Variants in PHF10 observed in about 807,000 individuals in gnomAD.
PHF10 encodes the protein PHD finger protein 10, also known as BRG1-associated factor 45a.
Under a neutral mutation model 68.5 loss-of-function variants are expected in PHF10, and 51 were observed. The observed-to-expected ratio is 0.74, with a 90% CI of 0.59 to 0.94. The LOEUF is 0.94. PHF10 is among the 40% of genes least tolerant of loss of function. The pLI is 0.00. For missense variants in PHF10, 460 were observed against 602.6 expected (o/e 0.76, Z 2.48); for synonymous variants, 204 against 203.5 (o/e 1.00, Z -0.02).
intron 3 of PHF10, 39 bp downstream of exon 3, chr6:169,718,749 A>G: frequency 8.9e-7 from 1 of 1,128,090 alleles, no homozygotes; most frequent in African/African-American, 1.6e-5. Context: ...ATAAAGAATT[A>G]CTATCAATTA....
intron 1 of PHF10, among the ~76,000 whole-genome samples, chr6:169,721,692 G>A (rs1393133549): frequency 1.9e-5 from 2 of 105,652 alleles, no homozygotes; most frequent in African/African-American, 4.6e-5. Context: ...TTTTAAAGAA[G>A]ATTATATATT....
intron 4 of PHF10, among the ~76,000 whole-genome samples, chr6:169,716,925 CA>C (rs1208839289): frequency 6.6e-6 from 1 of 152,088 alleles, no homozygotes; most frequent in African/African-American, 2.4e-5. Context: ...AAGCTTTGTA[CA>C]AAAAATACAA....
At chr6:169,705,464 G>A in intron 10 of PHF10, 143 bp from the exon 11 acceptor site, 1 of 712,324 alleles carries the variant, frequency 1.4e-6, no homozygotes, top group East Asian at 2.7e-5. Flanking sequence ...CAATGTAGAG[G>A]AAAACACATG....
At chr6:169,723,819 T>C (rs989763538) in intron 1 of PHF10, 26 bp downstream of exon 1, 1 of 857,816 alleles carries the variant, frequency 1.2e-6, no homozygotes, top group Non-Finnish European at 1.5e-6. Flanking sequence ...GGGGTCAGGG[T>C]CGGGTCGCAC....
intron 1 of PHF10, among the ~76,000 whole-genome samples, chr6:169,723,382 T>C (rs1281121624): frequency 6.6e-6 from 1 of 152,224 alleles, no homozygotes; most frequent in African/African-American, 2.4e-5. Context: ...TTAACTTAGT[T>C]ATTACAGTAA....
chr6:169,716,111 A>C, intron 4 of PHF10, 23 bp from the exon 5 acceptor site: 1 of 1,502,502 alleles, frequency 6.7e-7, no homozygotes, highest in Non-Finnish European at 9.0e-7. Context: ...AAAAAATAAA[A>C]AAATAAAGAA....
At chr6:169,721,199 A>G (rs895595601) in intron 1 of PHF10, 88 bp from the exon 2 acceptor site, 13 of 728,616 alleles carry the variant, frequency 1.8e-5, no homozygotes, top group Non-Finnish European at 3.0e-5. Flanking sequence ...TCTAAGGACA[A>G]CTAGTCATAC....
Position 169,717,829 on chromosome 6 carries a change from T to C in PHF10, c.403A>G (p.Thr135Ala). The part of the protein sequence containing the change: ...ELNVITETQC[T>A]LGLTALRSDE... ...ATTAAAAAGCTATTCTTACCTAGAG[T>C]GCACTGAGTTTCAGTAATGACATTT... The change falls in exon 4 of 12, where the codon ACT (threonine) becomes GCT (alanine). Residue 135 changes from threonine to alanine, a missense_variant. This residue lies in a region of PHF10 where 256 missense variants were observed against 410.5 expected (regional missense o/e 0.62). Transcript: ENST00000339209. The C allele has an allele frequency of 7.0e-7, 1 of 1,429,392 alleles. No individual in the cohort carries two copies. The highest frequency in any genetic ancestry group is 9.8e-7 in the Non-Finnish European group (1 of 1,018,590). The allele number at this position is 1,429,392 out of a possible 1,614,324, so 88.5% of individuals were successfully genotyped here. A position where few individuals can be genotyped will look rare whatever the true frequency, so the allele number is the denominator to read the frequency against.
In PHF10 at chr6:169,715,990, G is replaced by A. The variant is rs771550444; in HGVS notation, c.508C>T (p.Arg170Cys). The part of the protein sequence containing the change: ...EYSVILQEKE[R>C]QRITDHYKEY... Reference sequence around the variant, plus strand: ...TTATAATGGTCTGTAATTCGTTGACGTTCTTTTTCTTGTAGAATAACAGAA... The same window carrying A: ...TTATAATGGTCTGTAATTCGTTGACATTCTTTTTCTTGTAGAATAACAGAA... The change falls in exon 5 of 12, where the codon CGT becomes TGT. Residue 170 changes from arginine to cysteine, a missense_variant. Arg to Cys is a radical substitution (Grantham distance 180). This residue lies in a region of PHF10 where 256 missense variants were observed against 410.5 expected (regional missense o/e 0.62). Coordinates refer to ENST00000339209, the MANE Select transcript of PHF10 (RefSeq NM_018288.4). 7 of 1,607,948 alleles carry A rather than the reference G, an allele frequency of 4.4e-6. No individual in the cohort carries two copies. Among genetic ancestry groups the A allele is most frequent in the Admixed American group, 1.7e-5 (1 of 58,508 alleles).
chr6:169,715,843 C>G lies in PHF10; in HGVS notation c.558G>C (p.Gln186His), dbSNP rs1344660394. 1.2e-6 allele frequency: 2 copies of G among 1,610,340 alleles called. No individual in the cohort carries two copies. Among genetic ancestry groups the G allele is most frequent in the Non-Finnish European group, 1.7e-6 (2 of 1,178,636 alleles). Residue 186 changes from glutamine to histidine, a missense_variant, in exon 6 of 12, where the codon CAG (glutamine) becomes CAC (histidine). Physicochemically the swap from Gln to His is conservative, Grantham distance 24. Transcript: ENST00000339209. ...HYKEYSQMQQQNTQKVEASKV... is the reference protein window; with the variant it reads ...HYKEYSQMQQHNTQKVEASKV... ...TACTGGCTTCAACTTTCTGAGTATT[C>G]TGTTGTTGCATTTGCTGGAAAAAAA...
chr6:169,714,378 G>C (rs1244605473), intron 7 of PHF10, among the ~76,000 whole-genome samples: 1 of 152,162 alleles, frequency 6.6e-6, no homozygotes, highest in Non-Finnish European at 1.5e-5. Flanking sequence ...TGAGTCATAG[G>C]TCTAGAGTTG....
rs928119952 is a variant in PHF10, at chr6:169,723,969, C to T, written c.-38G>A. 2.4e-5 allele frequency: 16 copies of T among 673,426 alleles called. No homozygotes were observed. The highest frequency in any genetic ancestry group is 2.7e-5 in the Non-Finnish European group (15 of 548,020). 41.7% of individuals were successfully genotyped at this position (673,426 alleles called of 1,614,324 possible). A position where few individuals can be genotyped will look rare whatever the true frequency, so the allele number is the denominator to read the frequency against. The stretch of plus-strand genomic sequence containing the variant: ...CCCGCGCCGCCGCCGCCGCCGTCGC[C>T]TCCGCCTTGTCCCGGCCGCCGCCGC... On this transcript the variant is annotated 5_prime_UTR_variant, in exon 1 of 12. Coordinates refer to ENST00000339209, the MANE Select transcript of PHF10 (RefSeq NM_018288.4).
At chr6:169,712,629 T>C in intron 7 of PHF10, 90 bp from the exon 8 acceptor site, 1 of 1,100,732 alleles carries the variant, frequency 9.1e-7, no homozygotes, top group South Asian at 1.7e-5. Flanking sequence ...CTTAAACTTC[T>C]TGAGTAACCC....
intron 3 of PHF10, among the ~76,000 whole-genome samples, chr6:169,718,140 T>G (rs1316578066): frequency 1.3e-5 from 2 of 152,146 alleles, no homozygotes; most frequent in African/African-American, 2.4e-5. Context: ...TATAAATAAC[T>G]ATACTAAACT....
chr6:169,710,194 C>A (rs770318155), intron 9 of PHF10, 42 bp downstream of exon 9: 2 of 1,449,504 alleles, frequency 1.4e-6, no homozygotes, highest in African/African-American at 1.5e-5. Flanking sequence ...CAGGGAGAGG[C>A]TGGTCAGTAA....
chr6:169,722,172 GATT>G (rs1176099554), intron 1 of PHF10, among the ~76,000 whole-genome samples: 1 of 152,228 alleles, frequency 6.6e-6, no homozygotes, highest in Non-Finnish European at 1.5e-5. Context: ...TTAAAATGAT[GATT>G]ATGATGATAA....
At position 169,723,857 on chromosome 6, in the gene PHF10, C is replaced by T. The variant is rs1331735996; in HGVS notation, c.75G>A (p.Ala25=). 1 of 1,086,830 alleles carries T rather than the reference C, an allele frequency of 9.2e-7. No individual in the cohort carries two copies. Among genetic ancestry groups the T allele is most frequent in the Non-Finnish European group, 1.1e-6 (1 of 886,030 alleles). 67.3% of individuals were successfully genotyped at this position (1,086,830 alleles called of 1,614,324 possible). A position where few individuals can be genotyped will look rare whatever the true frequency, so the allele number is the denominator to read the frequency against. Residue 25 remains alanine (A), a synonymous_variant, in exon 1 of 12, where the codon GCG becomes GCA. Transcript: ENST00000339209. ...GCCGCTTCCTCACCTTCGGGGACTGCGCTCCGGGGGTGGCTGGGTCGCTGT... is the reference window on the plus strand; with the variant it reads ...GCCGCTTCCTCACCTTCGGGGACTGTGCTCCGGGGGTGGCTGGGTCGCTGT... The part of the protein sequence containing the change: ...PCDSDPATPG[A]QSPKDDNEDN...
intron 3 of PHF10, among the ~76,000 whole-genome samples, chr6:169,718,240 A>G (rs952927377): frequency 6.6e-6 from 1 of 152,234 alleles, no homozygotes; most frequent in Admixed American, 6.5e-5. Flanking sequence ...TAAAAATCCC[A>G]AACTTGACTA....
Position 169,716,027 on chromosome 6 carries a change from T to C in PHF10, c.471A>G (p.Lys157=). ...GTAGAATAACAGAATACTCAGCATG[T>C]TTGGCTGGATATTCTTTTATCATTA... ...IDLMIKEYPA[K]HAEYSVILQE... Residue 157 remains lysine (K), a synonymous_variant, in exon 5 of 12, where the codon AAA becomes AAG. Coordinates refer to ENST00000339209, the MANE Select transcript of PHF10 (RefSeq NM_018288.4). The C allele has an allele frequency of 6.2e-7, 1 of 1,609,880 alleles. No individual in the cohort carries two copies. Among genetic ancestry groups the C allele is most frequent in the Non-Finnish European group, 8.5e-7 (1 of 1,176,742 alleles).
Sources: gnomAD v4.1 joint callset for allele counts (sites outside exome capture counted in the v4.1 genomes callset) on GRCh38, gnomAD v4.1.1 for gene constraint, gnomAD v4.1.1 regional missense constraint, MANE v1.5 for transcripts, NCBI Gene and HGNC (gene_info 2026-07-23, HGNC 2026-07-21) for gene names.